Variants in ADGRD1 observed in about 807,000 individuals in gnomAD.
ADGRD1 encodes the protein G-protein coupled receptor 133.
ADGRD1 carries 77 observed loss-of-function variants against 113.4 expected under a neutral mutation model. That is an observed-to-expected ratio of 0.68 (90% CI 0.57 to 0.82). The LOEUF is 0.82. ADGRD1 is among the 40% of genes least tolerant of loss of function. The pLI is 0.00. For missense variants in ADGRD1, 1,036 were observed against 1,139.1 expected (o/e 0.91, Z 1.30); for synonymous variants, 474 against 475.0 (o/e 1.00, Z 0.03).
chr12:131,095,705 A>G (rs1379595354), intron 15 of ADGRD1, among the ~76,000 whole-genome samples: 1 of 152,138 alleles, frequency 6.6e-6, no homozygotes. Flanking sequence ...TCAGGGCTTG[A>G]CGTCTGAAGC....
At chr12:130,997,142 C>A (rs1486610296) in intron 8 of ADGRD1, among the ~76,000 whole-genome samples, 1 of 137,336 alleles carries the variant, frequency 7.3e-6, no homozygotes, top group Non-Finnish European at 1.6e-5. Context: ...GGGGGCTGAT[C>A]CCCCACCTCC....
intron 13 of ADGRD1, among the ~76,000 whole-genome samples, chr12:131,076,218 G>A (rs1013455148): frequency 4.6e-5 from 7 of 152,224 alleles, no homozygotes; most frequent in African/African-American, 1.4e-4. Flanking sequence ...TCCTGGGGAT[G>A]CAGCCGTGAA....
At chr12:131,129,607 T>C (rs560273962) in intron 20 of ADGRD1, among the ~76,000 whole-genome samples, 2 of 152,118 alleles carry the variant, frequency 1.3e-5, no homozygotes, top group Admixed American at 6.5e-5. Context: ...GTACCCGGAA[T>C]AGAAATCCCT....
At chr12:130,967,460 G>A (rs1210577098) in intron 3 of ADGRD1, 1 of 158,728 alleles carries the variant, frequency 6.3e-6, no homozygotes, top group Non-Finnish European at 1.4e-5. Context: ...TCTTGATCAT[G>A]TCAGATGGCT....
intron 21 of ADGRD1, among the ~76,000 whole-genome samples, chr12:131,133,521 G>A (rs886422613): frequency 6.6e-6 from 1 of 152,212 alleles, no homozygotes; most frequent in African/African-American, 2.4e-5. Context: ...GTCTTTGCAG[G>A]GCACAGCTGA....
intron 2 of ADGRD1, among the ~76,000 whole-genome samples, chr12:130,958,774 T>C (rs1869991382): frequency 6.8e-6 from 1 of 146,948 alleles, no homozygotes; most frequent in Non-Finnish European, 1.5e-5. Context: ...AACAGCTCCT[T>C]AACACGTAGC....
chr12:130,992,194 G>C (rs1293519214), intron 7 of ADGRD1, 43 bp from the exon 8 acceptor site: 2 of 1,544,600 alleles, frequency 1.3e-6, no homozygotes, highest in Non-Finnish European at 1.8e-6. Context: ...TAATATTTTG[G>C]TTTTAGTTCT....
chr12:131,034,720 G>A (rs34853396), intron 13 of ADGRD1, among the ~76,000 whole-genome samples: 4 of 151,964 alleles, frequency 2.6e-5, no homozygotes, highest in African/African-American at 4.8e-5. Flanking sequence ...GTGGCCCCTC[G>A]CTGGGCAGGG....
At chr12:131,017,542 GCACA>G (rs368424123) in intron 13 of ADGRD1, among the ~76,000 whole-genome samples, 2 of 115,270 alleles carry the variant, frequency 1.7e-5, no homozygotes, top group South Asian at 3.0e-4. Flanking sequence ...CACACCCAGT[GCACA>G]CACACTCACT....
intron 13 of ADGRD1, among the ~76,000 whole-genome samples, chr12:131,036,337 T>G (rs972582780): frequency 2.0e-5 from 3 of 151,250 alleles, no homozygotes; most frequent in Admixed American, 2.0e-4. Flanking sequence ...TAGGTCTCAC[T>G]CACTGCCCCA....
Position 131,141,228 on chromosome 12 carries a change from A to G in ADGRD1, c.*1965A>G, listed in dbSNP as rs1230678763. The G allele has an allele frequency of 1.3e-5, 2 of 152,226 alleles. No individual in the cohort carries two copies. The highest frequency in any genetic ancestry group is 2.9e-5 in the Non-Finnish European group (2 of 68,040). The allele number at this position is 152,226 out of a possible 1,614,324, so 9.4% of individuals were successfully genotyped here. On this transcript the variant is annotated 3_prime_UTR_variant, in exon 25 of 25. Transcript: ENST00000261654. Reference sequence around the variant, plus strand: ...ATTCATCTATATAGCTAATATTTCAAGATAAGTAATGAACAAAACCTGTCT... The same window carrying G: ...ATTCATCTATATAGCTAATATTTCAGGATAAGTAATGAACAAAACCTGTCT...
chr12:131,098,275 T>C (rs1160815386), intron 15 of ADGRD1, among the ~76,000 whole-genome samples: 1 of 132,928 alleles, frequency 7.5e-6, no homozygotes, highest in Non-Finnish European at 1.7e-5. Flanking sequence ...GGGAGGGTCT[T>C]GCTTTCCCAT....
rs559992354 is a variant in ADGRD1 at position 131,050,994 on chromosome 12, G to A, written c.1474-25807G>A. The stretch of plus-strand genomic sequence containing the variant: ...AGGCCACGGGCTGGTCCCGGTTCAC[G>A]GCCCGGGTGTTGGGAACCCCTGTGT... On this transcript the variant is annotated intron_variant, in intron 13 of 24. Transcript: ENST00000261654. This position sits in a 1 kb window ranked among gnomAD's most constrained non-coding sequence, Gnocchi z 4.8. Among the ~76,000 whole-genome samples, 11 of 152,338 alleles carry A rather than the reference G, an allele frequency of 7.2e-5. No homozygotes were observed. In the South Asian group the frequency reaches 1.0e-3, roughly 14 times the overall value.
At chr12:131,011,476 GCTCA>G (rs1255255324) in intron 12 of ADGRD1, among the ~76,000 whole-genome samples, 2 of 151,954 alleles carry the variant, frequency 1.3e-5, no homozygotes, top group Non-Finnish European at 1.5e-5. Flanking sequence ...TCATCCACTC[GCTCA>G]CTCACTCACG....
At chr12:131,037,954 C>T (rs1304145700) in intron 13 of ADGRD1, among the ~76,000 whole-genome samples, 1 of 151,380 alleles carries the variant, frequency 6.6e-6, no homozygotes, top group Non-Finnish European at 1.5e-5. Context: ...GCCTCACTCA[C>T]TGCACCGGGC....
At chr12:131,138,808 G>A (rs1042627457) in intron 24 of ADGRD1, among the ~76,000 whole-genome samples, 3 of 152,234 alleles carry the variant, frequency 2.0e-5, no homozygotes, top group African/African-American at 4.8e-5. Context: ...CTACAGCTGC[G>A]CCGGGTGTGT....
chr12:131,080,016 TG>T (rs762844235), intron 14 of ADGRD1, among the ~76,000 whole-genome samples: 24 of 152,196 alleles, frequency 1.6e-4, no homozygotes, highest in Admixed American at 5.9e-4. Flanking sequence ...CAGCTTTCTT[TG>T]AGTTTAATTT....
At chr12:131,053,837 A>G (rs186365921) in intron 13 of ADGRD1, among the ~76,000 whole-genome samples, 67 of 152,354 alleles carry the variant, frequency 4.4e-4, no homozygotes, top group Non-Finnish European at 7.2e-4. Flanking sequence ...ATTTCTGTCC[A>G]GAGCAGCACC....
Position 131,084,129 on chromosome 12 carries a change from C to T in ADGRD1, c.1548-411C>T, listed in dbSNP as rs1886275394. On this transcript the variant is annotated intron_variant, in intron 14 of 24. Transcript: ENST00000261654. The surrounding 1 kb of genome is among the most constrained non-coding windows in gnomAD (Gnocchi z 4.5). Reference sequence around the variant, plus strand: ...TTTCCCCCGATGGGCATTTATGTTACCGTCACTCATGATTCAGTGACTGGG... The same window carrying T: ...TTTCCCCCGATGGGCATTTATGTTATCGTCACTCATGATTCAGTGACTGGG... 1.3e-5 allele frequency among the ~76,000 whole-genome samples: 2 copies of T among 152,224 alleles called. No homozygotes were observed. Among genetic ancestry groups the T allele is most frequent in the Admixed American group, 6.5e-5 (1 of 15,280 alleles).
Sources: allele counts gnomAD v4.1 joint callset (sites outside exome capture counted in the v4.1 genomes callset), GRCh38; gene constraint gnomAD v4.1.1; non-coding constraint Gnocchi (gnomAD v3.1); transcripts MANE v1.5; gene names NCBI Gene and HGNC (gene_info 2026-07-23, HGNC 2026-07-21).